Variants in WWOX observed in about 807,000 individuals in gnomAD.
The protein encoded by WWOX is WW domain-containing oxidoreductase.
WWOX carries 69 observed loss-of-function variants against 46.2 expected under a neutral mutation model. That is an observed-to-expected ratio of 1.49 (90% CI 1.23 to 1.82). The LOEUF (loss-of-function observed/expected upper bound fraction) is 1.82, where lower values mean the gene tolerates loss of function less well. WWOX is among the 40% of genes most tolerant of loss of function. The pLI is 0.00. For synonymous variants in WWOX, 359 were observed against 202.6 expected, an observed-to-expected ratio of 1.77 and a Z score of -6.56; for missense variants, 919 against 542.6, an observed-to-expected ratio of 1.69 and a Z score of -6.89.
rs552598237 is a variant in WWOX, at chr16:79,166,524, G to A, written c.1057-45084G>A. On this transcript the variant is annotated intron_variant, in intron 8 of 8. Coordinates refer to ENST00000566780, the MANE Select transcript of WWOX (RefSeq NM_016373.4). Reference sequence around the variant, plus strand: ...AACCACACCATACGGGCAGTAGTCCGCATTTTCAACATTTCCTAACAGCAC... The same window carrying A: ...AACCACACCATACGGGCAGTAGTCCACATTTTCAACATTTCCTAACAGCAC... 5.3e-5 allele frequency among the ~76,000 whole-genome samples: 8 copies of A among 152,208 alleles called. No homozygotes were observed. The South Asian group carries it at 6.2e-4, about 12-fold the overall frequency.
At chr16:78,675,150 T>C (rs1173701783) in intron 8 of WWOX, among the ~76,000 whole-genome samples, 1 of 152,140 alleles carries the variant, frequency 6.6e-6, no homozygotes, top group Non-Finnish European at 1.5e-5. Flanking sequence ...AAAACGTTCA[T>C]CAAAATGGGT....
At chr16:79,165,583 CT>C (rs1220509550) in intron 8 of WWOX, among the ~76,000 whole-genome samples, 2 of 152,130 alleles carry the variant, frequency 1.3e-5, no homozygotes, top group African/African-American at 2.4e-5. Context: ...ATTCTGTTCC[CT>C]CTTTGCTAGT....
chr16:78,865,481 C>T (rs756184426), intron 8 of WWOX, among the ~76,000 whole-genome samples: 38 of 152,152 alleles, frequency 2.5e-4, no homozygotes, highest in African/African-American at 7.2e-5. Flanking sequence ...TTCAAATGCT[C>T]CCTGAACCTC....
intron 4 of WWOX, among the ~76,000 whole-genome samples, chr16:78,143,134 G>A (rs1345832456): frequency 6.6e-6 from 1 of 152,168 alleles, no homozygotes. Context: ...GAAACAAACT[G>A]TGTAATAAGA....
At chr16:78,685,967 G>A (rs2047847515) in intron 8 of WWOX, among the ~76,000 whole-genome samples, 1 of 151,868 alleles carries the variant, frequency 6.6e-6, no homozygotes, top group Admixed American at 6.6e-5. Context: ...ACGGGGAATG[G>A]GAAGAGAAAT....
chr16:79,206,902 G>T (rs1426871147), intron 8 of WWOX, among the ~76,000 whole-genome samples: 1 of 152,214 alleles, frequency 6.6e-6, no homozygotes, highest in African/African-American at 2.4e-5. Flanking sequence ...ATTGCTCTTG[G>T]ATAGTGAGTA....
intron 8 of WWOX, among the ~76,000 whole-genome samples, chr16:78,725,593 C>A (rs150145194): frequency 6.6e-6 from 1 of 151,716 alleles, no homozygotes; most frequent in Non-Finnish European, 1.5e-5. Flanking sequence ...GCGATCTACC[C>A]GCCTCAGCCT....
intron 5 of WWOX, among the ~76,000 whole-genome samples, chr16:78,294,877 A>G (rs2079918852): frequency 6.8e-6 from 1 of 146,224 alleles, no homozygotes; most frequent in Non-Finnish European, 1.5e-5. Context: ...GAATGAATGA[A>G]TGGACAAATG....
At chr16:78,725,475 G>A (rs2048807688) in intron 8 of WWOX, among the ~76,000 whole-genome samples, 1 of 148,486 alleles carries the variant, frequency 6.7e-6, no homozygotes, top group South Asian at 2.1e-4. Context: ...AGCCTCCCAG[G>A]TAGCTGGGAT....
In WWOX at chr16:78,702,124, T is replaced by TATATATATATA. The variant is rs777394763; in HGVS notation, c.1056+269372_1056+269373insATATATATATA. 1.0e-3 allele frequency among the ~76,000 whole-genome samples: 107 copies of TATATATATATA among 105,512 alleles called. 3 individuals carry two copies. The highest frequency in any genetic ancestry group is 4.4e-3 in the Middle Eastern group (1 of 228). The allele number at this position is 105,512 out of a possible 152,430, so 69.2% of individuals were successfully genotyped here. ...GTTATATATATATATATATATATAT[T>TATATATATATA]TATTTATTTTCAAGACATGGTGGCA... is the stretch of plus-strand genomic sequence containing the variant. On this transcript the variant is annotated intron_variant, in intron 8 of 8. Transcript: ENST00000566780.
intron 8 of WWOX, among the ~76,000 whole-genome samples, chr16:79,062,289 A>C (rs1567523499): frequency 6.6e-6 from 1 of 152,196 alleles, no homozygotes; most frequent in South Asian, 2.1e-4. Context: ...AAAATGCCCA[A>C]TACCTTCTGG....
chr16:79,016,419 C>CCTTTTCTTTTT (rs888947319), intron 8 of WWOX: 3 of 148,092 alleles, frequency 2.0e-5, no homozygotes, highest in African/African-American at 7.3e-5. Flanking sequence ...TTGTTTTTTT[C>CCTTTTCTTTTT]CTTTTCTTTT....
At chr16:78,972,096 C>T (rs565766040) in intron 8 of WWOX, among the ~76,000 whole-genome samples, 1 of 152,174 alleles carries the variant, frequency 6.6e-6, no homozygotes, top group Non-Finnish European at 1.5e-5. Flanking sequence ...GCCCAGACCT[C>T]TCAGGAAAGA....
chr16:78,717,766 G>C (rs1301401073), intron 8 of WWOX, among the ~76,000 whole-genome samples: 1 of 152,176 alleles, frequency 6.6e-6, no homozygotes, highest in Non-Finnish European at 1.5e-5. Flanking sequence ...TCGAGGATTA[G>C]GATGGAGGTA....
intron 8 of WWOX, among the ~76,000 whole-genome samples, chr16:78,513,744 T>C (rs1401629214): frequency 6.6e-6 from 1 of 152,228 alleles, no homozygotes; most frequent in Non-Finnish European, 1.5e-5. Flanking sequence ...ATGTCTCATA[T>C]ACCCCTCTAA....
chr16:79,053,873 T>G (rs1330521730), intron 8 of WWOX, among the ~76,000 whole-genome samples: 3 of 152,118 alleles, frequency 2.0e-5, no homozygotes, highest in African/African-American at 7.2e-5. Context: ...AAAACTCCAG[T>G]AAGCAAACAG....
At chr16:78,367,484 C>A (rs929958514) in intron 5 of WWOX, among the ~76,000 whole-genome samples, 1 of 152,068 alleles carries the variant, frequency 6.6e-6, no homozygotes, top group Non-Finnish European at 1.5e-5. Flanking sequence ...CAAGATAATT[C>A]TTTGTCCAGT....
chr16:78,963,393 C>G (rs949542576), intron 8 of WWOX, among the ~76,000 whole-genome samples: 1 of 152,142 alleles, frequency 6.6e-6, no homozygotes, highest in Admixed American at 6.5e-5. Context: ...TGCTGGAGTA[C>G]AGGAGATTGA....
At chr16:78,811,715 A>G (rs1386126546) in intron 8 of WWOX, among the ~76,000 whole-genome samples, 1 of 151,796 alleles carries the variant, frequency 6.6e-6, no homozygotes, top group Non-Finnish European at 1.5e-5. Context: ...TCATGAGGGG[A>G]CCCATCCTCA....
Sources: gnomAD v4.1 joint callset for allele counts (sites outside exome capture counted in the v4.1 genomes callset) on GRCh38, gnomAD v4.1.1 for gene constraint, MANE v1.5 for transcripts, NCBI Gene and HGNC (gene_info 2026-07-23, HGNC 2026-07-21) for gene names.